NRXN1: variants seen among roughly 807,000 people sequenced by gnomAD.
The protein encoded by NRXN1 is neurexin 1.
In NRXN1, 39 loss-of-function variants were observed where a neutral mutation model predicts 150.9. The observed-to-expected ratio is 0.26, with a 90% CI of 0.20 to 0.34. NRXN1 has a LOEUF of 0.34. Ranked by LOEUF, NRXN1 falls within the 10% of genes least tolerant of loss-of-function variation. The probability of loss-of-function intolerance (pLI) is 1.00; values close to 1 mark genes in which losing one functional copy is unlikely to be tolerated. For synonymous variants in NRXN1, 924 were observed against 757.0 expected, an observed-to-expected ratio of 1.22 and a Z score of -3.62; for missense variants, 1,815 against 1,949.9, an observed-to-expected ratio of 0.93 and a Z score of 1.30.
chr2:50,474,538 T>C (rs10181113), intron 15 of NRXN1, among the ~76,000 whole-genome samples: 9,488 of 151,418 alleles, frequency 0.063, 1,019 homozygotes, highest in African/African-American at 0.21. Flanking sequence ...TCAGGAGAAC[T>C]AAGAGGGAGC....
chr2:50,543,773 C>T lies in NRXN1; in HGVS notation c.1760-5137G>A, dbSNP rs143663325. Among the ~76,000 whole-genome samples the T allele has an allele frequency of 6.3e-3, 963 of 152,040 alleles. 5 individuals carry two copies. Among genetic ancestry groups the T allele is most frequent in the African/African-American group, 0.021 (891 of 41,514 alleles). On this transcript the variant is annotated intron_variant, in intron 9 of 22. Coordinates refer to ENST00000401669, the MANE Select transcript of NRXN1 (RefSeq NM_001330078.2). ...GTTCTACTTCCATAAGATTAGTTTA[C>T]AGGGTGAGAAGAAACACAGAGTGAA...
chr2:50,206,665 C>G (rs1417488129), intron 18 of NRXN1, among the ~76,000 whole-genome samples: 1 of 151,954 alleles, frequency 6.6e-6, no homozygotes, highest in Non-Finnish European at 1.5e-5. Context: ...CAATCTGAAA[C>G]AATGTCTGGA....
At chr2:49,995,094 C>T (rs1243591416) in intron 21 of NRXN1, among the ~76,000 whole-genome samples, 2 of 152,154 alleles carry the variant, frequency 1.3e-5, no homozygotes, top group African/African-American at 4.8e-5. Flanking sequence ...CTTTCGATTT[C>T]ATATAGCTAA....
intron 18 of NRXN1, among the ~76,000 whole-genome samples, chr2:50,228,122 C>G (rs2064580497): frequency 2.0e-5 from 3 of 151,866 alleles, no homozygotes; most frequent in Admixed American, 2.0e-4. Flanking sequence ...GTGTAAAACA[C>G]ACATTGGATT....
chr2:50,584,732 G>A (rs1471826790), intron 8 of NRXN1, among the ~76,000 whole-genome samples: 1 of 152,144 alleles, frequency 6.6e-6, no homozygotes. Flanking sequence ...CAGTATTGAT[G>A]CTGCCACTAT....
intron 18 of NRXN1, among the ~76,000 whole-genome samples, chr2:50,154,682 C>A (rs1425663930): frequency 6.6e-6 from 1 of 151,488 alleles, no homozygotes. Context: ...CATCTATGAT[C>A]CATAAAGAAT....
At chr2:50,007,273 A>G (rs779761653) in intron 21 of NRXN1, among the ~76,000 whole-genome samples, 1 of 152,010 alleles carries the variant, frequency 6.6e-6, no homozygotes, top group Non-Finnish European at 1.5e-5. Flanking sequence ...TTGAGCCCAC[A>G]CATTTGAAGT....
intron 2 of NRXN1, among the ~76,000 whole-genome samples, chr2:50,990,008 A>T (rs1192404095): frequency 1.3e-5 from 2 of 152,032 alleles, no homozygotes; most frequent in Non-Finnish European, 2.9e-5. Context: ...TTAAAAAATT[A>T]GCCATTCTAA....
intron 12 of NRXN1, among the ~76,000 whole-genome samples, chr2:50,518,545 G>C (rs1485305185): frequency 4.0e-5 from 6 of 151,292 alleles, no homozygotes; most frequent in Non-Finnish European, 8.9e-5. Flanking sequence ...CAAGTTGTCT[G>C]AATAAAAAAA....
chr2:50,934,420 C>T (rs1011169085), intron 2 of NRXN1, among the ~76,000 whole-genome samples: 10 of 151,950 alleles, frequency 6.6e-5, no homozygotes, highest in Admixed American at 5.2e-4. Flanking sequence ...TTTGTTTGTA[C>T]GTATTAGAAA....
chr2:50,430,910 C>T (rs2084914157), intron 17 of NRXN1, among the ~76,000 whole-genome samples: 1 of 152,166 alleles, frequency 6.6e-6, no homozygotes. Flanking sequence ...TCCTACTCTT[C>T]ACCTTCAAGC....
At chr2:50,916,149 G>A (rs921269460) in intron 5 of NRXN1, among the ~76,000 whole-genome samples, 5 of 149,952 alleles carry the variant, frequency 3.3e-5, no homozygotes, top group Admixed American at 6.7e-5. Context: ...GTGTTTAACT[G>A]AAGAAAAATC....
At chr2:50,575,051 G>A (rs1013742875) in intron 8 of NRXN1, among the ~76,000 whole-genome samples, 3 of 152,176 alleles carry the variant, frequency 2.0e-5, no homozygotes, top group Admixed American at 6.5e-5. Flanking sequence ...GTATTGCCAC[G>A]TGAGGTGGAA....
At chr2:50,375,219 G>T (rs1025479351) in intron 17 of NRXN1, among the ~76,000 whole-genome samples, 1 of 151,822 alleles carries the variant, frequency 6.6e-6, no homozygotes, top group African/African-American at 2.4e-5. Flanking sequence ...AATAATTGAT[G>T]TAGCTAAAGA....
chr2:50,867,923 T>G (rs1677169378), intron 5 of NRXN1, among the ~76,000 whole-genome samples: 1 of 151,596 alleles, frequency 6.6e-6, no homozygotes, highest in Admixed American at 6.6e-5. Context: ...AAGATGCACT[T>G]TTTGAAGAGA....
At chr2:50,644,711 T>G (rs990177532) in intron 5 of NRXN1, among the ~76,000 whole-genome samples, 2 of 150,810 alleles carry the variant, frequency 1.3e-5, no homozygotes, top group African/African-American at 2.4e-5. Flanking sequence ...TTTTGCAAAT[T>G]CAGCCATTTC....
At chr2:50,284,654 C>G (rs1461580958) in intron 17 of NRXN1, among the ~76,000 whole-genome samples, 1 of 152,150 alleles carries the variant, frequency 6.6e-6, no homozygotes, top group Non-Finnish European at 1.5e-5. Flanking sequence ...CAATTCTAGC[C>G]TCCTCCCACT....
intron 8 of NRXN1, among the ~76,000 whole-genome samples, chr2:50,571,333 G>A (rs1039294561): frequency 1.3e-5 from 2 of 152,154 alleles, no homozygotes; most frequent in African/African-American, 4.8e-5. Flanking sequence ...CGAGTTTGAA[G>A]AATTGTATTA....
intron 5 of NRXN1, among the ~76,000 whole-genome samples, chr2:50,769,263 A>G (rs570953479): frequency 5.9e-5 from 9 of 152,174 alleles, no homozygotes; most frequent in Non-Finnish European, 1.0e-4. Context: ...CAGTTAAGCA[A>G]GAGCAAGCCA....
Sources: allele counts gnomAD v4.1 joint callset (sites outside exome capture counted in the v4.1 genomes callset), GRCh38; gene constraint gnomAD v4.1.1; transcripts MANE v1.5; gene names NCBI Gene and HGNC (gene_info 2026-07-23, HGNC 2026-07-21).